B3GLCT: variants seen among roughly 807,000 people sequenced by gnomAD.
B3GLCT encodes the protein beta-1,3-glucosyltransferase.
Under a neutral mutation model 63.4 loss-of-function variants are expected in B3GLCT, and 65 were observed. The ratio of observed to expected loss-of-function variants is 1.03; its 90% CI spans 0.84 to 1.26. The LOEUF (loss-of-function observed/expected upper bound fraction) is 1.26. B3GLCT is among the 50% of genes most tolerant of loss of function. The pLI is 0.00. For missense variants in B3GLCT, 577 were observed against 604.8 expected, an observed-to-expected ratio of 0.95 and a Z score of 0.48; for synonymous variants, 233 against 219.2, an observed-to-expected ratio of 1.06 and a Z score of -0.55.
intron 8 of B3GLCT, among the ~76,000 whole-genome samples, chr13:31,269,645 C>CGA (rs1566073068): frequency 2.6e-5 from 4 of 150,950 alleles, no homozygotes; most frequent in Non-Finnish European, 5.9e-5. Flanking sequence ...ATGTCCCCGC[C>CGA]CCCCTAATTC....
At chr13:31,279,117 T>C (rs138560879) in intron 10 of B3GLCT, among the ~76,000 whole-genome samples, 483 of 152,318 alleles carry the variant, frequency 3.2e-3, no homozygotes, top group African/African-American at 0.011. Context: ...CAGTTTTGAC[T>C]TGGCCAGAAG....
rs761621191 is a variant in B3GLCT at position 31,247,980 on chromosome 13, C to T, written c.459+14C>T. On this transcript the variant is annotated intron_variant, in intron 6 of 14. Coordinates refer to ENST00000343307, the MANE Select transcript of B3GLCT (RefSeq NM_194318.4). ...GACCCCTCTAAGGTGAATATAACTT[C>T]AATACCAGTTCTTATTTTGGGGGAC... The T allele has an allele frequency of 1.5e-6, 2 of 1,339,692 alleles. No individual in the cohort carries two copies. The highest frequency in any genetic ancestry group is 2.4e-5 in the South Asian group (2 of 85,094). The allele number at this position is 1,339,692 out of a possible 1,614,324, so 83.0% of individuals were successfully genotyped here.
At chr13:31,203,802 A>G (rs914416126) in intron 1 of B3GLCT, among the ~76,000 whole-genome samples, 4 of 152,350 alleles carry the variant, frequency 2.6e-5, no homozygotes, top group African/African-American at 7.2e-5. Context: ...CATCAGACCT[A>G]TTGAGGAAGT....
At chr13:31,275,246 G>A (rs1005534873) in intron 9 of B3GLCT, among the ~76,000 whole-genome samples, 4 of 152,178 alleles carry the variant, frequency 2.6e-5, no homozygotes, top group African/African-American at 9.7e-5. Context: ...AATCATACAA[G>A]GTTTAGTACT....
intron 11 of B3GLCT, among the ~76,000 whole-genome samples, chr13:31,286,024 A>G (rs911820181): frequency 1.3e-5 from 2 of 152,214 alleles, no homozygotes; most frequent in African/African-American, 4.8e-5. Context: ...AATATAAGTT[A>G]ATATTTGTGC....
intron 14 of B3GLCT, among the ~76,000 whole-genome samples, chr13:31,328,561 T>C (rs1875749160): frequency 6.6e-6 from 1 of 151,786 alleles, no homozygotes; most frequent in Admixed American, 6.6e-5. Flanking sequence ...GGCATGGTAG[T>C]GCATGCCTGT....
chr13:31,330,308 A>G lies in B3GLCT; in HGVS notation c.*640A>G, dbSNP rs1875851983. ...TCTTTTGCTGTTTGTGCCTCATAAA[A>G]AGAGAATGAGGTCTTCTGCTAGAGC... On this transcript the variant is annotated 3_prime_UTR_variant, in exon 15 of 15. Transcript: ENST00000343307. The G allele has an allele frequency of 6.6e-6, 1 of 152,312 alleles. No individual in the cohort carries two copies. Among genetic ancestry groups the G allele is most frequent in the Non-Finnish European group, 1.5e-5 (1 of 68,138 alleles). The allele number at this position is 152,312 out of a possible 1,614,324, so 9.4% of individuals were successfully genotyped here.
chr13:31,221,229 G>A (rs541108601), intron 2 of B3GLCT, among the ~76,000 whole-genome samples: 1 of 152,288 alleles, frequency 6.6e-6, no homozygotes, highest in South Asian at 2.1e-4. Context: ...TATTTTTCCA[G>A]GAGCCTCAGC....
At chr13:31,254,685 T>G (rs1389687862) in intron 6 of B3GLCT, among the ~76,000 whole-genome samples, 1 of 151,970 alleles carries the variant, frequency 6.6e-6, no homozygotes, top group African/African-American at 2.4e-5. Context: ...GAGAAAGAAA[T>G]AAAGGGCATT....
In B3GLCT at chr13:31,331,691, T is replaced by C. The variant is rs1239600109; in HGVS notation, c.*2023T>C. 1 of 152,208 alleles carries C rather than the reference T, an allele frequency of 6.6e-6. No homozygotes were observed. The highest frequency in any genetic ancestry group is 2.1e-4 in the South Asian group (1 of 4,836). 9.4% of individuals were successfully genotyped at this position (152,208 alleles called of 1,614,324 possible). On this transcript the variant is annotated 3_prime_UTR_variant, in exon 15 of 15. Transcript: ENST00000343307. ...CCTTTTAAGAGAAAACCATCAGAAATTGATAATGTTTATATAAAGTTTATA... is the reference window on the plus strand; with the variant it reads ...CCTTTTAAGAGAAAACCATCAGAAACTGATAATGTTTATATAAAGTTTATA...
intron 12 of B3GLCT, among the ~76,000 whole-genome samples, chr13:31,314,764 A>G (rs1874905470): frequency 6.6e-6 from 1 of 152,090 alleles, no homozygotes; most frequent in Non-Finnish European, 1.5e-5. Context: ...ATGATATTTG[A>G]GAGGGGGCAG....
chr13:31,323,734 G>T lies in B3GLCT; in HGVS notation c.1185-17G>T, dbSNP rs776120384. ...TGGAGCTTCTCTAACCCCTTTCTCTGCTCTGGCTCCCACTAGAATGGTCTT... is the reference window on the plus strand; with the variant it reads ...TGGAGCTTCTCTAACCCCTTTCTCTTCTCTGGCTCCCACTAGAATGGTCTT... On this transcript the variant is annotated splice_polypyrimidine_tract_variant and intron_variant, in intron 13 of 14. Transcript: ENST00000343307. 6.2e-7 allele frequency: 1 copy of T among 1,613,984 alleles called. No homozygotes were observed. Among genetic ancestry groups the T allele is most frequent in the Admixed American group, 1.7e-5 (1 of 60,026 alleles).
At chr13:31,246,947 T>G in intron 4 of B3GLCT, 76 bp from the exon 5 acceptor site, 5 of 1,054,528 alleles carry the variant, frequency 4.7e-6, no homozygotes, top group South Asian at 1.5e-5. Flanking sequence ...TTTTCTTTTC[T>G]TTTCTTTTTT....
intron 1 of B3GLCT, among the ~76,000 whole-genome samples, chr13:31,200,723 C>T (rs1868615122): frequency 6.6e-6 from 1 of 152,030 alleles, no homozygotes; most frequent in African/African-American, 2.4e-5. Context: ...TCCGCAGGGC[C>T]TTCGGGACGT....
At chr13:31,318,306 C>T (rs879448634) in intron 13 of B3GLCT, among the ~76,000 whole-genome samples, 2 of 152,164 alleles carry the variant, frequency 1.3e-5, no homozygotes, top group Admixed American at 6.5e-5. Context: ...TAAATTCACT[C>T]AGTAGATATT....
intron 6 of B3GLCT, among the ~76,000 whole-genome samples, chr13:31,257,699 TA>T (rs947217275): frequency 1.3e-5 from 2 of 152,000 alleles, no homozygotes; most frequent in African/African-American, 4.8e-5. Flanking sequence ...TATATTCTGA[TA>T]AATAATAGAG....
rs1327019545 is a variant in B3GLCT, at chr13:31,260,929, A to G, written c.460-17A>G. The G allele has an allele frequency of 3.7e-6, 6 of 1,609,730 alleles. No homozygotes were observed. The African/African-American group carries it at 4.0e-5, about 11-fold the overall frequency. ...ATGATTGTTTTTAAAGTGACATGTT[A>G]TATCTTTATTTAACAGGAATGGTTT... On this transcript the variant is annotated splice_polypyrimidine_tract_variant and intron_variant, in intron 6 of 14. Coordinates refer to ENST00000343307, the MANE Select transcript of B3GLCT (RefSeq NM_194318.4).
intron 8 of B3GLCT, among the ~76,000 whole-genome samples, chr13:31,272,218 C>CT (rs11433454): frequency 0.7 from 94,783 of 136,192 alleles, 33,632 homozygotes; most frequent in Middle Eastern, 0.77. Context: ...TCTATTTTTC[C>CT]TTTTTTTTTT....
intron 4 of B3GLCT, among the ~76,000 whole-genome samples, chr13:31,231,878 A>C (rs1870398419): frequency 6.6e-6 from 1 of 152,226 alleles, no homozygotes; most frequent in African/African-American, 2.4e-5. Context: ...GCCCAGGTAC[A>C]AGAGCACTGG....
Sources: gnomAD v4.1 joint callset for allele counts (sites outside exome capture counted in the v4.1 genomes callset) on GRCh38, gnomAD v4.1.1 for gene constraint, MANE v1.5 for transcripts, NCBI Gene and HGNC (gene_info 2026-07-23, HGNC 2026-07-21) for gene names.